The following EDIL3 variants were observed in gnomAD, a reference collection of about 807,000 sequenced individuals.
EDIL3 encodes EGF-like repeat and discoidin I-like domain-containing protein 3.
EDIL3 carries 37 observed loss-of-function variants against 67.4 expected under a neutral mutation model. That is an observed-to-expected ratio of 0.55 (90% CI 0.42 to 0.72). EDIL3 has a LOEUF of 0.72. EDIL3 is among the 30% of genes least tolerant of loss of function. The probability of loss-of-function intolerance (pLI) is 0.00; values close to 1 mark genes in which losing one functional copy is unlikely to be tolerated. For missense variants in EDIL3, 527 were observed against 586.3 expected (o/e 0.90, Z 1.04); for synonymous variants, 195 against 196.3 (o/e 0.99, Z 0.05).
chr5:84,290,622 A>G (rs1247512580), intron 1 of EDIL3, among the ~76,000 whole-genome samples: 1 of 152,222 alleles, frequency 6.6e-6, no homozygotes, highest in African/African-American at 2.4e-5. Flanking sequence ...GCTGAAAAGT[A>G]TCTGTACCAA....
intron 3 of EDIL3, among the ~76,000 whole-genome samples, chr5:84,191,165 T>C (rs1474925875): frequency 3.9e-5 from 6 of 152,106 alleles, no homozygotes; most frequent in Non-Finnish European, 8.8e-5. Context: ...AGATTTTGGA[T>C]AATTTTATAA....
At chr5:84,153,254 A>C (rs1219319680) in intron 4 of EDIL3, among the ~76,000 whole-genome samples, 3 of 151,996 alleles carry the variant, frequency 2.0e-5, no homozygotes, top group African/African-American at 7.2e-5. Context: ...AACACCCTTC[A>C]TATCTCTTTC....
At chr5:84,343,772 C>T (rs1261010603) in intron 1 of EDIL3, among the ~76,000 whole-genome samples, 1 of 152,014 alleles carries the variant, frequency 6.6e-6, no homozygotes, top group East Asian at 1.9e-4. Context: ...TCTAGCAAAG[C>T]CTATCCCCTG....
chr5:84,088,358 TATTTA>T (rs1747108605), intron 6 of EDIL3, among the ~76,000 whole-genome samples: 1 of 152,234 alleles, frequency 6.6e-6, no homozygotes, highest in Non-Finnish European at 1.5e-5. Context: ...TTGGCAATTC[TATTTA>T]AATGTCTGGG....
intron 9 of EDIL3, among the ~76,000 whole-genome samples, chr5:84,049,358 A>G (rs916469817): frequency 6.6e-6 from 1 of 152,208 alleles, no homozygotes; most frequent in Non-Finnish European, 1.5e-5. Flanking sequence ...TACACAATCC[A>G]CCAGAAAGGA....
chr5:84,051,092 C>T (rs1746328023), intron 9 of EDIL3, among the ~76,000 whole-genome samples: 1 of 152,178 alleles, frequency 6.6e-6, no homozygotes, highest in South Asian at 2.1e-4. Context: ...CCTCACACAG[C>T]TGGGTACCCC....
At chr5:84,074,448 A>G (rs1746811147) in intron 6 of EDIL3, among the ~76,000 whole-genome samples, 1 of 152,226 alleles carries the variant, frequency 6.6e-6, no homozygotes, top group Non-Finnish European at 1.5e-5. Flanking sequence ...CAACCTACTC[A>G]TCTGACAAAG....
At chr5:84,314,675 G>A (rs1166436486) in intron 1 of EDIL3, among the ~76,000 whole-genome samples, 1 of 152,070 alleles carries the variant, frequency 6.6e-6, no homozygotes, top group Non-Finnish European at 1.5e-5. Context: ...TAGCTCCCCT[G>A]TTCTATTATG....
intron 7 of EDIL3, among the ~76,000 whole-genome samples, chr5:84,065,931 C>T (rs886923671): frequency 6.6e-6 from 1 of 151,642 alleles, no homozygotes; most frequent in African/African-American, 2.4e-5. Context: ...CTGGCTAACA[C>T]GGTGAAACCC....
intron 9 of EDIL3, among the ~76,000 whole-genome samples, chr5:84,020,648 T>C (rs952798511): frequency 2.0e-5 from 3 of 151,922 alleles, no homozygotes; most frequent in African/African-American, 7.2e-5. Flanking sequence ...CACTTTGGTA[T>C]TGAGATCTAT....
At position 84,087,728 on chromosome 5, in the gene EDIL3, G is replaced by A. The variant is rs374156602; in HGVS notation, c.651+18921C>T. On this transcript the variant is annotated intron_variant, in intron 6 of 10. Coordinates refer to ENST00000296591, the MANE Select transcript of EDIL3 (RefSeq NM_005711.5). ...CTTACATAGTCTAATTACTAGCTGC[G>A]GCAAGGGCTGTGCTAGAAAAGAACA... 4.6e-5 allele frequency among the ~76,000 whole-genome samples: 7 copies of A among 152,152 alleles called. No homozygotes were observed. The South Asian group carries it at 1.0e-3, about 23-fold the overall frequency.
intron 4 of EDIL3, among the ~76,000 whole-genome samples, chr5:84,149,171 AAT>A (rs146346848): frequency 0.017 from 2,559 of 151,930 alleles, 73 homozygotes; most frequent in African/African-American, 0.058. Context: ...TGTAGAACAG[AAT>A]ATACCCAACA....
intron 1 of EDIL3, among the ~76,000 whole-genome samples, chr5:84,364,183 G>A (rs1371827670): frequency 6.6e-6 from 1 of 152,076 alleles, no homozygotes; most frequent in Non-Finnish European, 1.5e-5. Context: ...CAGTTTTCAG[G>A]TTCTGAAATC....
At chr5:83,996,255 A>G (rs527857759) in intron 9 of EDIL3, among the ~76,000 whole-genome samples, 4 of 152,324 alleles carry the variant, frequency 2.6e-5, no homozygotes, top group Admixed American at 2.6e-4. Flanking sequence ...CATGGTGCCT[A>G]TATTTCTGGA....
intron 4 of EDIL3, among the ~76,000 whole-genome samples, chr5:84,141,955 C>CTATCTATA (rs1748205861): frequency 8.2e-6 from 1 of 121,622 alleles, no homozygotes; most frequent in African/African-American, 3.5e-5. Flanking sequence ...ATACATAGAT[C>CTATCTATA]TATCTATCTA....
chr5:83,951,102 CA>C (rs1744412954), intron 10 of EDIL3, among the ~76,000 whole-genome samples: 3 of 151,614 alleles, frequency 2.0e-5, no homozygotes. Flanking sequence ...TATTTAACTT[CA>C]AAAATCTAAT....
chr5:84,270,253 T>C (rs1745440878), intron 1 of EDIL3, among the ~76,000 whole-genome samples: 1 of 152,098 alleles, frequency 6.6e-6, no homozygotes, highest in Non-Finnish European at 1.5e-5. Context: ...CTACTAAGGT[T>C]GAATGGAAAT....
intron 9 of EDIL3, among the ~76,000 whole-genome samples, chr5:83,970,684 T>TATATATATATATA (rs1491469489): frequency 2.3e-4 from 30 of 131,462 alleles, no homozygotes; most frequent in African/African-American, 7.2e-4. Flanking sequence ...TATATATATA[T>TATATATATATATA]TTAAGAACAT....
chr5:84,364,329 G>A (rs1747684236), intron 1 of EDIL3, among the ~76,000 whole-genome samples: 1 of 152,154 alleles, frequency 6.6e-6, no homozygotes, highest in Non-Finnish European at 1.5e-5. Flanking sequence ...CAGTCACAAG[G>A]CAAGTACTTG....
Sources: gnomAD v4.1 joint callset for allele counts (sites outside exome capture counted in the v4.1 genomes callset) on GRCh38, gnomAD v4.1.1 for gene constraint, MANE v1.5 for transcripts, NCBI Gene and HGNC (gene_info 2026-07-23, HGNC 2026-07-21) for gene names.